The following GRTP1 variants were observed in gnomAD, a reference collection of about 807,000 sequenced individuals.
GRTP1 encodes growth hormone regulated TBC protein 1.
GRTP1 carries 56 observed loss-of-function variants against 38.1 expected under a neutral mutation model. The ratio of observed to expected loss-of-function variants is 1.47; its 90% CI spans 1.19 to 1.84. The LOEUF (loss-of-function observed/expected upper bound fraction) is 1.84, where lower values mean the gene tolerates loss of function less well. GRTP1 is among the 40% of genes most tolerant of loss of function. The pLI is 0.00. For missense variants in GRTP1, 506 were observed against 453.9 expected, an observed-to-expected ratio of 1.11 and a Z score of -1.04; for synonymous variants, 217 against 189.5, an observed-to-expected ratio of 1.14 and a Z score of -1.19.
In GRTP1 at chr13:113,339,455, TTC is replaced by T. The variant is rs1316682597; in HGVS notation, c.562+5406_562+5407del. ...CATGACACGACTGTTCTGTATTTTG[TTC>T]TCTGAGTTTCAAAGTTTTACTTTTT... is the stretch of plus-strand genomic sequence containing the variant. On this transcript the variant is annotated intron_variant, in intron 5 of 7. Transcript: ENST00000375431. The T allele has an allele frequency of 3.3e-5, 5 of 152,278 alleles. No individual in the cohort carries two copies. In the South Asian group the frequency reaches 6.2e-4, roughly 19 times the overall value. 9.4% of individuals were successfully genotyped at this position (152,278 alleles called of 1,614,324 possible).
At position 113,325,282 on chromosome 13, in the gene GRTP1, G is replaced by C. The variant is rs2042742633; in HGVS notation, c.921+379C>G. On this transcript the variant is annotated intron_variant, in intron 7 of 7. Transcript: ENST00000375431. Reference sequence around the variant, plus strand: ...TCCTGGCGTCTTGGCTTCCTCAGAAGGCCTGTCAGGTACAGCTCCCACAAC... The same window carrying C: ...TCCTGGCGTCTTGGCTTCCTCAGAACGCCTGTCAGGTACAGCTCCCACAAC... 3 of 1,279,686 alleles carry C rather than the reference G, an allele frequency of 2.3e-6. No individual in the cohort carries two copies. In the East Asian group the frequency reaches 8.9e-5, roughly 38 times the overall value. 79.3% of individuals were successfully genotyped at this position (1,279,686 alleles called of 1,614,324 possible).
intron 3 of GRTP1, among the ~76,000 whole-genome samples, chr13:113,353,896 AT>A (rs2043331616): frequency 6.6e-6 from 1 of 152,100 alleles, no homozygotes; most frequent in Non-Finnish European, 1.5e-5. Context: ...CTGCAAAAAA[AT>A]AAAAATTAAA....
rs886940847 is a variant in GRTP1 at position 113,343,520 on chromosome 13, C to T, written c.562+1343G>A. ...TTAATGATGCACTTGAGCTTTGCCCCATCCGTGAGGACACACACTATGGTC... is the reference window on the plus strand; with the variant it reads ...TTAATGATGCACTTGAGCTTTGCCCTATCCGTGAGGACACACACTATGGTC... On this transcript the variant is annotated intron_variant, in intron 5 of 7. Coordinates refer to ENST00000375431, the MANE Select transcript of GRTP1 (RefSeq NM_024719.4). This position sits in a 1 kb window ranked among gnomAD's most constrained non-coding sequence, Gnocchi z 4.8. 6.6e-6 allele frequency among the ~76,000 whole-genome samples: 1 copy of T among 152,202 alleles called. No individual in the cohort carries two copies. The highest frequency in any genetic ancestry group is 2.4e-5 in the African/African-American group (1 of 41,452).
chr13:113,363,198 C>G (rs577356338), intron 2 of GRTP1, among the ~76,000 whole-genome samples: 1 of 152,104 alleles, frequency 6.6e-6, no homozygotes, highest in East Asian at 1.9e-4. Context: ...AGCGGCAGGT[C>G]GAGCAGGGCC....
In GRTP1 at chr13:113,326,008, C is replaced by T; in HGVS notation, c.646G>A (p.Gly216Arg). 1 of 1,613,726 alleles carries T rather than the reference C, an allele frequency of 6.2e-7. No individual in the cohort carries two copies. The highest frequency in any genetic ancestry group is 8.5e-7 in the Non-Finnish European group (1 of 1,179,928). ...ACACCGAGACGCTCCATCAGGGCCCCCACAGCCGGCAGCTTCGCCCGCACC... is the reference window on the plus strand; with the variant it reads ...ACACCGAGACGCTCCATCAGGGCCCTCACAGCCGGCAGCTTCGCCCGCACC... The part of the protein sequence containing the change: ...ELVRAKLPAV[G>R]ALMERLGVLW... Residue 216 changes from glycine (G) to arginine (R), a missense_variant, in exon 6 of 8, where the codon GGG becomes AGG. Coordinates refer to ENST00000375431, the MANE Select transcript of GRTP1 (RefSeq NM_024719.4).
chr13:113,352,976 GAGT>G (rs2043313513), intron 3 of GRTP1, among the ~76,000 whole-genome samples: 1 of 146,794 alleles, frequency 6.8e-6, no homozygotes, highest in Non-Finnish European at 1.5e-5. Context: ...GGACCCAGCA[GAGT>G]CCACTCTAGG....
intron 3 of GRTP1, among the ~76,000 whole-genome samples, chr13:113,353,540 AC>A (rs1385601117): frequency 2.0e-5 from 3 of 150,914 alleles, no homozygotes; most frequent in Non-Finnish European, 1.5e-5. Context: ...CTCTTATGTG[AC>A]CCTGGAGTTG....
rs768221334 is a variant in GRTP1, at chr13:113,325,661, C to G, written c.921G>C (p.Gln307His). The G allele has an allele frequency of 6.2e-7, 1 of 1,602,126 alleles. No individual in the cohort carries two copies. Among genetic ancestry groups the G allele is most frequent in the East Asian group, 2.3e-5 (1 of 44,400 alleles). ...SFVMECHTFM[Q>H]KIFSEPGSLS... The stretch of plus-strand genomic sequence containing the variant: ...CTGAGCCACGTGCAGCCCCACACAC[C>G]TGCATAAACGTGTGACACTCCATCA... The change falls in exon 7 of 8, where the codon CAG becomes CAC. Residue 307 changes from glutamine to histidine, a missense_variant and splice_region_variant. By Grantham distance (24) the Gln-to-His change is conservative. Coordinates refer to ENST00000375431, the MANE Select transcript of GRTP1 (RefSeq NM_024719.4).
chr13:113,331,456 G>A (rs562172763), intron 5 of GRTP1, among the ~76,000 whole-genome samples: 182 of 152,184 alleles, frequency 1.2e-3, no homozygotes, highest in African/African-American at 4.2e-3. Context: ...GGCACAGCAA[G>A]GACAGCCAGT....
rs1440516116 is a variant in GRTP1, at chr13:113,348,121, A to G, written c.465+2728T>C. Among the ~76,000 whole-genome samples the G allele has an allele frequency of 6.6e-6, 1 of 152,186 alleles. No individual in the cohort carries two copies. The highest frequency in any genetic ancestry group is 6.5e-5 in the Admixed American group (1 of 15,280). ...GACCTGGGAGAGGGCGACCATGTGGACAGTGTGGACACATGGAAATGCAGG... is the reference window on the plus strand; with the variant it reads ...GACCTGGGAGAGGGCGACCATGTGGGCAGTGTGGACACATGGAAATGCAGG... On this transcript the variant is annotated intron_variant, in intron 4 of 7. Transcript: ENST00000375431. The surrounding 1 kb of genome is among the most constrained non-coding windows in gnomAD (Gnocchi z 4.8).
intron 2 of GRTP1, chr13:113,359,635 G>C (rs2043458375): frequency 6.6e-6 from 1 of 152,188 alleles, no homozygotes; most frequent in African/African-American, 2.4e-5. Context: ...AAATGCACCA[G>C]CTCTGGAGTC....
intron 2 of GRTP1, among the ~76,000 whole-genome samples, chr13:113,363,209 C>T (rs956875361): frequency 1.8e-4 from 28 of 152,276 alleles, no homozygotes; most frequent in African/African-American, 6.3e-4. Flanking sequence ...GAGCAGGGCC[C>T]TGTGGGTCCC....
chr13:113,355,753 C>G, intron 2 of GRTP1: 1 of 277,422 alleles, frequency 3.6e-6, no homozygotes. Context: ...GAAACAGAGC[C>G]GCGGTCAGAT....
intron 5 of GRTP1, among the ~76,000 whole-genome samples, chr13:113,329,798 G>A (rs947053650): frequency 6.6e-6 from 1 of 152,152 alleles, no homozygotes; most frequent in South Asian, 2.1e-4. Context: ...GGTAGTGGGC[G>A]GTTCCGATCT....
At chr13:113,328,072 G>A (rs114993077) in intron 5 of GRTP1, among the ~76,000 whole-genome samples, 2,621 of 152,324 alleles carry the variant, frequency 0.017, 81 homozygotes, top group African/African-American at 0.06. Flanking sequence ...CCGGCGCAGC[G>A]GCTGCTCCCT....
At chr13:113,354,040 C>A (rs146828013) in intron 3 of GRTP1, among the ~76,000 whole-genome samples, 84 of 152,272 alleles carry the variant, frequency 5.5e-4, no homozygotes, top group African/African-American at 2.0e-3. Flanking sequence ...CGCACCACTA[C>A]ACTCCAGTCT....
chr13:113,355,345 C>G lies in GRTP1; in HGVS notation c.318G>C (p.Arg106Ser), dbSNP rs750397076. 5 of 1,614,090 alleles carry G rather than the reference C, an allele frequency of 3.1e-6. No individual in the cohort carries two copies. Among genetic ancestry groups the G allele is most frequent in the Non-Finnish European group, 4.2e-6 (5 of 1,179,982 alleles). ...HQLLQGERNPRLEDAIRTDLN... is the reference protein window; with the variant it reads ...HQLLQGERNPSLEDAIRTDLN... Reference sequence around the variant, plus strand: ...CACCTGTCCTGATGGCGTCCTCCAGCCTGGGGTTTCTCTCTCCCTGGAGAA... The same window carrying G: ...CACCTGTCCTGATGGCGTCCTCCAGGCTGGGGTTTCTCTCTCCCTGGAGAA... The change falls in exon 3 of 8, where the codon AGG becomes AGC. Residue 106 changes from arginine (R) to serine (S), a missense_variant. By Grantham distance (110) the Arg-to-Ser change is moderately radical. Transcript: ENST00000375431.
At chr13:113,331,149 C>A (rs1389832852) in intron 5 of GRTP1, among the ~76,000 whole-genome samples, 1 of 152,042 alleles carries the variant, frequency 6.6e-6, no homozygotes, top group African/African-American at 2.4e-5. Flanking sequence ...TGCATGGGAA[C>A]CCGGGTGTGT....
chr13:113,334,744 C>T (rs1449031743), intron 5 of GRTP1, among the ~76,000 whole-genome samples: 2 of 152,180 alleles, frequency 1.3e-5, no homozygotes, highest in African/African-American at 2.4e-5. Context: ...ATCAGACAGC[C>T]GCAAACATGA....
Sources: gnomAD v4.1 joint callset for allele counts (sites outside exome capture counted in the v4.1 genomes callset) on GRCh38, gnomAD v4.1.1 for gene constraint, Gnocchi (gnomAD v3.1) non-coding constraint, MANE v1.5 for transcripts, NCBI Gene and HGNC (gene_info 2026-07-23, HGNC 2026-07-21) for gene names.